The following ANKRD29 variants were observed in gnomAD, a reference collection of about 807,000 sequenced individuals.
The protein encoded by ANKRD29 is ankyrin repeat domain-containing protein 29.
ANKRD29 carries 32 observed loss-of-function variants against 38.0 expected under a neutral mutation model. The observed-to-expected ratio is 0.84, with a 90% confidence interval of 0.64 to 1.13. The LOEUF (loss-of-function observed/expected upper bound fraction) is 1.13. Among genes scored for constraint, ANKRD29 ranks in the 50% most tolerant of loss-of-function variants. The pLI is 0.00. For missense variants in ANKRD29, 357 were observed against 377.9 expected, an observed-to-expected ratio of 0.94 and a Z score of 0.46; for synonymous variants, 135 against 152.4, an observed-to-expected ratio of 0.89 and a Z score of 0.84.
At chr18:23,629,035 A>C (rs927373175) in intron 6 of ANKRD29, among the ~76,000 whole-genome samples, 4 of 152,208 alleles carry the variant, frequency 2.6e-5, no homozygotes, top group African/African-American at 9.7e-5. Flanking sequence ...CCAAGACTGG[A>C]GTGCAGAGGC....
intron 9 of ANKRD29, among the ~76,000 whole-genome samples, chr18:23,610,342 A>G (rs547903369): frequency 6.6e-5 from 10 of 152,186 alleles, no homozygotes; most frequent in Non-Finnish European, 1.5e-4. Context: ...GCTGGGCATG[A>G]TGGTGCACAC....
chr18:23,613,674 A>G (rs1477630062), intron 8 of ANKRD29, among the ~76,000 whole-genome samples: 1 of 146,008 alleles, frequency 6.8e-6, no homozygotes, highest in Non-Finnish European at 1.5e-5. Flanking sequence ...ATCTCGGCTC[A>G]CTGCAAGCTC....
chr18:23,610,767 C>T (rs940072959), intron 9 of ANKRD29, among the ~76,000 whole-genome samples: 4 of 152,192 alleles, frequency 2.6e-5, no homozygotes, highest in Non-Finnish European at 4.4e-5. Flanking sequence ...CCTTGACCTC[C>T]TTGGCTGGGT....
In ANKRD29 at chr18:23,623,359, A is replaced by C. The variant is rs141605729; in HGVS notation, c.529-3730T>G. On this transcript the variant is annotated intron_variant, in intron 6 of 9. Transcript: ENST00000592179. Reference sequence around the variant, plus strand: ...GGAGTTGCATGTGAGTTAGAGCATTATTGTCAAATCAGATTACCTATCAGT... The same window carrying C: ...GGAGTTGCATGTGAGTTAGAGCATTCTTGTCAAATCAGATTACCTATCAGT... 9.2e-5 allele frequency among the ~76,000 whole-genome samples: 14 copies of C among 152,224 alleles called. No homozygotes were observed. The East Asian group carries it at 2.7e-3, about 29-fold the overall frequency.
intron 1 of ANKRD29, among the ~76,000 whole-genome samples, chr18:23,651,898 AG>A (rs1261739674): frequency 6.6e-6 from 1 of 152,232 alleles, no homozygotes; most frequent in Non-Finnish European, 1.5e-5. Context: ...AGACATTTTA[AG>A]GAGCTAAACT....
chr18:23,648,917 T>A, intron 2 of ANKRD29, 166 bp downstream of exon 2: 1 of 547,698 alleles, frequency 1.8e-6, no homozygotes, highest in Non-Finnish European at 3.1e-6. Flanking sequence ...TCCCCCAGCA[T>A]GTTTTTAAGT....
chr18:23,652,628 G>A (rs1258021471), intron 1 of ANKRD29, among the ~76,000 whole-genome samples: 2 of 152,184 alleles, frequency 1.3e-5, no homozygotes, highest in Admixed American at 6.5e-5. Context: ...GAGAGATGGG[G>A]CCAGTCCTCT....
At chr18:23,620,198 C>T (rs1391491670) in intron 6 of ANKRD29, among the ~76,000 whole-genome samples, 1 of 152,182 alleles carries the variant, frequency 6.6e-6, no homozygotes, top group East Asian at 1.9e-4. Context: ...TCCTACTCTT[C>T]TAGTCTGGTG....
chr18:23,624,466 C>CAAAAAAAAAAAAAA lies in ANKRD29; in HGVS notation c.529-4851_529-4838dup, dbSNP rs56005663. Reference sequence around the variant, plus strand: ...TGGGCGACAGAGTGAGACTCCATCTCAAAAAAAAAAAAAAAAAAAAAAAAA... The same window carrying CAAAAAAAAAAAAAA: ...TGGGCGACAGAGTGAGACTCCATCTCAAAAAAAAAAAAAAAAAAAAAAAAAAAAAAAAAAAAAAA... On this transcript the variant is annotated intron_variant, in intron 6 of 9. Transcript: ENST00000592179. Among the ~76,000 whole-genome samples the CAAAAAAAAAAAAAA allele has an allele frequency of 1.6e-3, 53 of 32,430 alleles. 4 individuals carry two copies. Among genetic ancestry groups the CAAAAAAAAAAAAAA allele is most frequent in the East Asian group, 2.4e-3 (3 of 1,262 alleles). 21.3% of individuals were successfully genotyped at this position (32,430 alleles called of 152,430 possible).
intron 1 of ANKRD29, among the ~76,000 whole-genome samples, chr18:23,662,024 GAAAAA>G (rs369229716): frequency 2.0e-5 from 2 of 99,106 alleles, no homozygotes; most frequent in East Asian, 5.9e-4. Flanking sequence ...TTTCTCATTT[GAAAAA>G]AAAAAAAAAA....
At chr18:23,652,540 T>A (rs538764649) in intron 1 of ANKRD29, among the ~76,000 whole-genome samples, 1 of 152,200 alleles carries the variant, frequency 6.6e-6, no homozygotes, top group Non-Finnish European at 1.5e-5. Flanking sequence ...CTGTTTGGGG[T>A]CTATACACAT....
intron 3 of ANKRD29, among the ~76,000 whole-genome samples, chr18:23,639,774 G>A (rs1475359321): frequency 1.3e-5 from 2 of 152,168 alleles, no homozygotes; most frequent in African/African-American, 2.4e-5. Flanking sequence ...GGCCTCAAGT[G>A]AGCTGCCCAC....
intron 1 of ANKRD29, among the ~76,000 whole-genome samples, chr18:23,655,977 C>T (rs1401190021): frequency 1.3e-5 from 2 of 149,204 alleles, no homozygotes; most frequent in Non-Finnish European, 3.0e-5. Context: ...CCTGTAGTCC[C>T]AGCTACTCGG....
At chr18:23,634,278 GTTTTTTT>G (rs71163626) in intron 4 of ANKRD29, 129 bp from the exon 5 acceptor site, 320 of 373,064 alleles carry the variant, frequency 8.6e-4, no homozygotes, top group African/African-American at 5.6e-3. Flanking sequence ...CACTTTCCCT[GTTTTTTT>G]TTTTTTTTTT....
At chr18:23,651,896 T>C (rs574653577) in intron 1 of ANKRD29, among the ~76,000 whole-genome samples, 1 of 152,212 alleles carries the variant, frequency 6.6e-6, no homozygotes, top group Admixed American at 6.5e-5. Flanking sequence ...AGAGACATTT[T>C]AAGGAGCTAA....
chr18:23,634,278 G>GTTTTTTTTTTTTTT (rs71163626), intron 4 of ANKRD29, 129 bp from the exon 5 acceptor site: 1 of 343,748 alleles, frequency 2.9e-6, no homozygotes, highest in Non-Finnish European at 4.9e-6. Flanking sequence ...CACTTTCCCT[G>GTTTTTTTTTTTTTT]TTTTTTTTTT....
chr18:23,609,956 G>A (rs75972252), intron 9 of ANKRD29, among the ~76,000 whole-genome samples: 3,271 of 152,248 alleles, frequency 0.021, 86 homozygotes, highest in East Asian at 0.092. Context: ...TCTACATGCT[G>A]AGTCAAATGA....
In ANKRD29 at chr18:23,619,557, C is replaced by T; in HGVS notation, c.601G>A (p.Gly201Arg). 1.9e-6 allele frequency: 3 copies of T among 1,596,712 alleles called. No homozygotes were observed. The highest frequency in any genetic ancestry group is 2.5e-6 in the Non-Finnish European group (3 of 1,178,622). Residue 201 changes from glycine (G) to arginine (R), a missense_variant, in exon 7 of 10, where the codon GGA becomes AGA. Coordinates refer to ENST00000592179, the MANE Select transcript of ANKRD29 (RefSeq NM_173505.4). ...SEVVRVMLLR[G>R]ADRDAARNDG... ...TTCCGCGCAGCGTCGCGGTCGGCTC[C>T]GCGCAGCAGCATCACCCGCACCACC...
intron 8 of ANKRD29, among the ~76,000 whole-genome samples, chr18:23,614,270 C>G (rs1159077349): frequency 6.6e-6 from 1 of 152,056 alleles, no homozygotes; most frequent in African/African-American, 2.4e-5. Context: ...CCACATTGGC[C>G]AAGCTGGTCT....
Sources: gnomAD v4.1 joint callset for allele counts (sites outside exome capture counted in the v4.1 genomes callset) on GRCh38, gnomAD v4.1.1 for gene constraint, MANE v1.5 for transcripts, NCBI Gene and HGNC (gene_info 2026-07-23, HGNC 2026-07-21) for gene names.